GOLIM4: variants seen among roughly 807,000 people sequenced by gnomAD.
GOLIM4 encodes golgi integral membrane protein 4, also known as 130 kDa golgi-localized phosphoprotein.
A neutral mutation model predicts 107.4 loss-of-function variants in GOLIM4; 71 were observed. The observed-to-expected ratio is 0.66, with a 90% CI of 0.55 to 0.81. The LOEUF (loss-of-function observed/expected upper bound fraction) is 0.81. Ranked by LOEUF, GOLIM4 falls within the 30% of genes least tolerant of loss-of-function variation. The pLI is 0.00. For missense variants in GOLIM4, 830 were observed against 826.1 expected, an observed-to-expected ratio of 1.00 and a Z score of -0.06; for synonymous variants, 327 against 294.8, an observed-to-expected ratio of 1.11 and a Z score of -1.12.
chr3:168,055,656 G>C (rs183393030), intron 1 of GOLIM4, among the ~76,000 whole-genome samples: 4 of 152,202 alleles, frequency 2.6e-5, no homozygotes, highest in African/African-American at 9.6e-5. Flanking sequence ...AAAAACATTA[G>C]CTGGGCGTGA....
chr3:168,056,892 C>T lies in GOLIM4; in HGVS notation c.188-8527G>A, dbSNP rs150670680. ...TGGACTGTGGACTTTTGAGTTAATGCTGAAATGAGATAAGACTTTGGGGGA... is the reference window on the plus strand; with the variant it reads ...TGGACTGTGGACTTTTGAGTTAATGTTGAAATGAGATAAGACTTTGGGGGA... On this transcript the variant is annotated intron_variant, in intron 1 of 15. Coordinates refer to ENST00000470487, the MANE Select transcript of GOLIM4 (RefSeq NM_014498.5). Among the ~76,000 whole-genome samples the T allele has an allele frequency of 3.1e-3, 474 of 152,238 alleles. 4 individuals are homozygous for T. The highest frequency in any genetic ancestry group is 0.011 in the African/African-American group (456 of 41,534).
chr3:168,049,489 A>G (rs1208987170), intron 1 of GOLIM4, among the ~76,000 whole-genome samples: 2 of 152,048 alleles, frequency 1.3e-5, no homozygotes, highest in African/African-American at 4.8e-5. Context: ...ATTCTGATCT[A>G]CCCTTTGAAT....
At position 168,010,091 on chromosome 3, in the gene GOLIM4, A is replaced by T; in HGVS notation, c.*178T>A. 2.1e-6 allele frequency: 1 copy of T among 483,168 alleles called. No homozygotes were observed. Among genetic ancestry groups the T allele is most frequent in the Non-Finnish European group, 3.6e-6 (1 of 279,348 alleles). 29.9% of individuals were successfully genotyped at this position (483,168 alleles called of 1,614,324 possible). ...AGCTTGAATATAAAAGAAGCTCTAG[A>T]CCTACGTTATCAAAATATATTCATA... is the stretch of plus-strand genomic sequence containing the variant. On this transcript the variant is annotated 3_prime_UTR_variant, in exon 16 of 16. Transcript: ENST00000470487.
At chr3:168,026,283 AT>A (rs2108223271) in intron 12 of GOLIM4, among the ~76,000 whole-genome samples, 1 of 152,316 alleles carries the variant, frequency 6.6e-6, no homozygotes, top group African/African-American at 2.4e-5. Context: ...TTAGTGCACT[AT>A]CAAAAATTTG....
chr3:168,067,693 A>C (rs750000424), intron 1 of GOLIM4, among the ~76,000 whole-genome samples: 3 of 152,128 alleles, frequency 2.0e-5, no homozygotes, highest in Non-Finnish European at 4.4e-5. Flanking sequence ...ATTATAGGAA[A>C]TATAAATGAA....
intron 1 of GOLIM4, among the ~76,000 whole-genome samples, chr3:168,060,894 A>G (rs1033129621): frequency 6.6e-6 from 1 of 152,082 alleles, no homozygotes. Context: ...TGAATGAGAT[A>G]GGGCTAAAAA....
chr3:168,034,099 C>G (rs535317741), intron 8 of GOLIM4, among the ~76,000 whole-genome samples: 21 of 152,188 alleles, frequency 1.4e-4, no homozygotes, highest in African/African-American at 4.8e-4. Flanking sequence ...TATTAATAAA[C>G]TGGGGAGAAA....
rs1203523261 is a variant in GOLIM4, at chr3:168,033,975, C to G, written c.844-1123G>C. On this transcript the variant is annotated intron_variant, in intron 8 of 15. Transcript: ENST00000470487. ...ACGTCACTCTTTTTTTCTCTTTAAC[C>G]TTCAGAAAAAAAAATCTTCTTTGGT... 2.6e-5 allele frequency among the ~76,000 whole-genome samples: 4 copies of G among 151,802 alleles called. No homozygotes were observed. The East Asian group carries it at 7.7e-4, about 29-fold the overall frequency.
chr3:168,073,746 A>G, intron 1 of GOLIM4, among the ~76,000 whole-genome samples: 1 of 152,336 alleles, frequency 6.6e-6, no homozygotes, highest in South Asian at 2.1e-4. Flanking sequence ...TTATACACAA[A>G]GGAAGAGGTA....
chr3:168,061,095 T>C (rs1054631894), intron 1 of GOLIM4, among the ~76,000 whole-genome samples: 2 of 146,682 alleles, frequency 1.4e-5, no homozygotes, highest in East Asian at 3.9e-4. Context: ...AAAGCAAGCA[T>C]ATTAAAGAGT....
intron 1 of GOLIM4, among the ~76,000 whole-genome samples, chr3:168,086,514 T>G (rs1438163881): frequency 6.6e-6 from 1 of 152,216 alleles, no homozygotes; most frequent in Non-Finnish European, 1.5e-5. Context: ...TTATAATTTT[T>G]TTAACTTCAT....
At chr3:168,070,759 G>A (rs1420463526) in intron 1 of GOLIM4, among the ~76,000 whole-genome samples, 2 of 152,152 alleles carry the variant, frequency 1.3e-5, no homozygotes, top group Admixed American at 6.5e-5. Context: ...CTAGAAGAGG[G>A]TTGTTGCTTT....
chr3:168,022,668 G>T (rs1445581655), intron 14 of GOLIM4, among the ~76,000 whole-genome samples: 1 of 152,120 alleles, frequency 6.6e-6, no homozygotes, highest in Non-Finnish European at 1.5e-5. Context: ...AGGGACACTC[G>T]GGGGCAGAGA....
intron 14 of GOLIM4, among the ~76,000 whole-genome samples, chr3:168,011,225 A>G (rs1717002164): frequency 6.6e-6 from 1 of 150,616 alleles, no homozygotes; most frequent in Non-Finnish European, 1.5e-5. Flanking sequence ...GCATTGTCTC[A>G]CTTGGGAAGC....
intron 1 of GOLIM4, among the ~76,000 whole-genome samples, chr3:168,082,815 C>T (rs1413643476): frequency 2.6e-5 from 4 of 151,950 alleles, no homozygotes; most frequent in African/African-American, 9.7e-5. Flanking sequence ...AGCAATGGGG[C>T]AGGAAGAGAA....
At chr3:168,016,154 C>T (rs1466364502) in intron 14 of GOLIM4, among the ~76,000 whole-genome samples, 1 of 134,400 alleles carries the variant, frequency 7.4e-6, no homozygotes, top group Admixed American at 7.0e-5. Flanking sequence ...TGACAAATGG[C>T]TAATATCCAG....
chr3:168,079,922 A>C (rs963009999), intron 1 of GOLIM4, among the ~76,000 whole-genome samples: 1 of 152,180 alleles, frequency 6.6e-6, no homozygotes, highest in African/African-American at 2.4e-5. Flanking sequence ...AGTCACTTAA[A>C]GTAAAAAAAA....
chr3:168,011,426 C>A (rs9869383), intron 14 of GOLIM4, among the ~76,000 whole-genome samples: 4,480 of 152,168 alleles, frequency 0.029, 210 homozygotes, highest in African/African-American at 0.1. Flanking sequence ...GCCAGCACAG[C>A]AGTCTGAGAT....
intron 1 of GOLIM4, among the ~76,000 whole-genome samples, chr3:168,052,355 C>CATAT (rs68032228): frequency 1.3e-5 from 2 of 150,186 alleles, no homozygotes; most frequent in South Asian, 4.2e-4. Flanking sequence ...CATATATGTG[C>CATAT]ATATATATAT....
Sources: gnomAD v4.1 joint callset for allele counts (sites outside exome capture counted in the v4.1 genomes callset) on GRCh38, gnomAD v4.1.1 for gene constraint, MANE v1.5 for transcripts, NCBI Gene and HGNC (gene_info 2026-07-23, HGNC 2026-07-21) for gene names.